Variants in NAV3 observed in about 807,000 individuals in gnomAD.
NAV3 encodes pore membrane and/or filament interacting like protein 1.
NAV3 carries 87 observed loss-of-function variants against 244.7 expected under a neutral mutation model. The observed-to-expected ratio is 0.36, with a 90% CI of 0.30 to 0.42. NAV3 has a LOEUF of 0.42. NAV3 is among the 20% of genes least tolerant of loss of function. NAV3 has a pLI of 1.00. For missense variants in NAV3, 2,663 were observed against 2,893.3 expected (o/e 0.92, Z 1.83); for synonymous variants, 1,126 against 1,042.2 (o/e 1.08, Z -1.55).
intron 2 of NAV3, 65 bp downstream of exon 2, chr12:77,940,501 CTTAAG>C (rs1889765785): frequency 1.5e-6 from 2 of 1,305,494 alleles, no homozygotes; most frequent in African/African-American, 1.5e-5. Flanking sequence ...TAAAGCACAA[CTTAAG>C]TTAAGCGCCT....
intron 2 of NAV3, among the ~76,000 whole-genome samples, chr12:77,805,165 C>A (rs1461764643): frequency 6.6e-6 from 1 of 152,186 alleles, no homozygotes; most frequent in African/African-American, 2.4e-5. Flanking sequence ...TTATTTCTTT[C>A]TCTTGCCTGA....
At chr12:77,926,492 A>ATAGATACG (rs1565927486) in intron 1 of NAV3, among the ~76,000 whole-genome samples, 1 of 152,168 alleles carries the variant, frequency 6.6e-6, no homozygotes, top group South Asian at 2.1e-4. Context: ...AGATAGATAC[A>ATAGATACG]TAGATAGATA....
At chr12:78,174,133 G>A (rs1159204249) in intron 24 of NAV3, among the ~76,000 whole-genome samples, 9 of 151,538 alleles carry the variant, frequency 5.9e-5, no homozygotes, top group African/African-American at 2.2e-4. Context: ...GTATATTAAC[G>A]GAAATGGACT....
intron 12 of NAV3, among the ~76,000 whole-genome samples, chr12:78,094,057 C>T (rs1218875494): frequency 2.0e-5 from 3 of 152,138 alleles, no homozygotes; most frequent in Non-Finnish European, 4.4e-5. Context: ...CCAGGCTGGT[C>T]TCAAACTTCT....
intron 8 of NAV3, among the ~76,000 whole-genome samples, chr12:78,018,750 C>T (rs181010530): frequency 6.6e-6 from 1 of 152,270 alleles, no homozygotes; most frequent in East Asian, 1.9e-4. Context: ...TCAGCTTTCC[C>T]TGGGGTCCAC....
At chr12:77,744,680 G>C (rs915428494) in intron 2 of NAV3, among the ~76,000 whole-genome samples, 1 of 151,538 alleles carries the variant, frequency 6.6e-6, no homozygotes, top group African/African-American at 2.4e-5. Context: ...TTTTGCAACC[G>C]AATTTTAAGG....
rs1192063925 is a variant in NAV3, at chr12:77,708,115, A to G, written c.72+135849A>G. On this transcript the variant is annotated intron_variant, in intron 2 of 8. Coordinates refer to the NAV3 transcript ENST00000550042. The stretch of plus-strand genomic sequence containing the variant: ...TTGTTGCCATTGCTTTTGGTGTTTC[A>G]GACATGAAGTCCTTGCCCATGACTA... 3.9e-5 allele frequency among the ~76,000 whole-genome samples: 6 copies of G among 152,170 alleles called. No homozygotes were observed. In the East Asian group the frequency reaches 7.7e-4, roughly 20 times the overall value.
chr12:77,960,978 G>A (rs1028645812), intron 3 of NAV3, among the ~76,000 whole-genome samples: 1 of 145,412 alleles, frequency 6.9e-6, no homozygotes, highest in Admixed American at 7.0e-5. Context: ...ATGTATATAT[G>A]TATATGTTAC....
At chr12:77,873,708 T>C (rs1280969807) in intron 1 of NAV3, among the ~76,000 whole-genome samples, 2 of 123,532 alleles carry the variant, frequency 1.6e-5, no homozygotes, top group African/African-American at 6.1e-5. Flanking sequence ...TATATATATA[T>C]ACATGATTTG....
chr12:78,019,276 G>C (rs1876752511), intron 8 of NAV3, among the ~76,000 whole-genome samples: 1 of 152,038 alleles, frequency 6.6e-6, no homozygotes, highest in Admixed American at 6.6e-5. Flanking sequence ...ACTCTTTCTT[G>C]CATATGTTTT....
At chr12:78,092,578 CA>C (rs1954012010) in intron 12 of NAV3, among the ~76,000 whole-genome samples, 2 of 139,310 alleles carry the variant, frequency 1.4e-5, no homozygotes, top group African/African-American at 5.4e-5. Flanking sequence ...TGGTTCACTG[CA>C]ATCTCCGCCT....
At position 78,179,634 on chromosome 12, in the gene NAV3, C is replaced by G. The variant is rs1411009381; in HGVS notation, c.5469C>G (p.Ser1823Arg). The G allele has an allele frequency of 6.2e-7, 1 of 1,613,282 alleles. No individual in the cohort carries two copies. Among genetic ancestry groups the G allele is most frequent in the South Asian group, 1.1e-5 (1 of 91,032 alleles). ...KLTDIRLEAL[S>R]SAHHLDQIRE... ...CGGATATTCGGCTGGAGGCCCTCAG[C>G]TCTGCTCATCATCTTGATCAGATCC... Residue 1823 changes from serine to arginine, a missense_variant, in exon 29 of 40, where the codon AGC becomes AGG. By Grantham distance (110) the Ser-to-Arg change is moderately radical. This residue lies in a region of NAV3 where 4 missense variants were observed against 20.2 expected (regional missense o/e 0.20). Transcript: ENST00000397909.
chr12:77,952,549 C>T (rs1891001139), intron 3 of NAV3, among the ~76,000 whole-genome samples: 1 of 152,030 alleles, frequency 6.6e-6, no homozygotes, highest in Admixed American at 6.6e-5. Context: ...TGTGTCAGTC[C>T]TCCAATTTTG....
At chr12:77,611,787 A>G (rs912716141) in intron 2 of NAV3, among the ~76,000 whole-genome samples, 5 of 152,100 alleles carry the variant, frequency 3.3e-5, no homozygotes, top group African/African-American at 1.2e-4. Context: ...ATGGGTTATT[A>G]AGTATAATTT....
intron 35 of NAV3, among the ~76,000 whole-genome samples, chr12:78,198,362 C>G (rs1220969825): frequency 6.6e-6 from 1 of 151,858 alleles, no homozygotes; most frequent in African/African-American, 2.4e-5. Context: ...CTGTAAATTA[C>G]AAATAAACTC....
At chr12:77,906,943 T>C (rs1322352755) in intron 1 of NAV3, among the ~76,000 whole-genome samples, 1 of 152,138 alleles carries the variant, frequency 6.6e-6, no homozygotes, top group East Asian at 1.9e-4. Context: ...GTTACATCTT[T>C]TGTTTTTCAC....
Position 78,168,737 on chromosome 12 carries a change from A to G in NAV3, c.4870-18A>G. On this transcript the variant is annotated intron_variant, in intron 23 of 39. Transcript: ENST00000397909. ...TTCTTTCGGGTACTAAAGCTTCCAA[A>G]CTCTGTTTATTCCACAGGAATCTGA... 1 of 1,547,340 alleles carries G rather than the reference A, an allele frequency of 6.5e-7. No individual in the cohort carries two copies.
intron 28 of NAV3, chr12:78,179,311 A>T: frequency 2.2e-6 from 1 of 453,052 alleles, no homozygotes; most frequent in Non-Finnish European, 3.8e-6. Context: ...AACTTTAAAA[A>T]ATAGAAAAAA....
At position 77,607,747 on chromosome 12, in the gene NAV3, C is replaced by G. The variant is rs547876181; in HGVS notation, c.72+35481C>G. Among the ~76,000 whole-genome samples the G allele has an allele frequency of 1.8e-4, 28 of 152,138 alleles. No individual in the cohort carries two copies. In the South Asian group the frequency reaches 5.4e-3, roughly 29 times the overall value. ...TGTCTGATCCATTCTCCTCTTAATC[C>G]CAGACTGCCTTGCAAAATCATTTAA... is the stretch of plus-strand genomic sequence containing the variant. On this transcript the variant is annotated intron_variant, in intron 2 of 8. Coordinates refer to the NAV3 transcript ENST00000550042.
Sources: gnomAD v4.1 joint callset for allele counts (sites outside exome capture counted in the v4.1 genomes callset) on GRCh38, gnomAD v4.1.1 for gene constraint, gnomAD v4.1.1 regional missense constraint, MANE v1.5 for transcripts, NCBI Gene and HGNC (gene_info 2026-07-23, HGNC 2026-07-21) for gene names.